Variants in DCAF17 observed in about 807,000 individuals in gnomAD.
DCAF17 encodes DDB1 and CUL4 associated factor 17.
A neutral mutation model predicts 66.0 loss-of-function variants in DCAF17; 48 were observed. That is an observed-to-expected ratio of 0.73 (90% CI 0.58 to 0.92). The LOEUF is 0.92. Ranked by LOEUF, DCAF17 falls within the 40% of genes least tolerant of loss-of-function variation. DCAF17 has a pLI of 0.00. For missense variants in DCAF17, 562 were observed against 622.8 expected (o/e 0.90, Z 1.04); for synonymous variants, 206 against 214.6 (o/e 0.96, Z 0.35).
intron 3 of DCAF17, among the ~76,000 whole-genome samples, chr2:171,444,937 T>G (rs1694529626): frequency 6.6e-6 from 1 of 152,214 alleles, no homozygotes; most frequent in Non-Finnish European, 1.5e-5. Flanking sequence ...ATTAGAAAGC[T>G]TTTAAACCTA....
At position 171,480,725 on chromosome 2, in the gene DCAF17, T is replaced by C. The variant is rs780849058; in HGVS notation, c.1423-249T>C. On this transcript the variant is annotated intron_variant, in intron 13 of 13. Transcript: ENST00000375255. ...CACAGTGAGATAGATAATAGCAGCG[T>C]TGGCAATAGAATCTGGGTATTTAGA... 2.0e-5 allele frequency among the ~76,000 whole-genome samples: 3 copies of C among 152,308 alleles called. 1 individual carries two copies. The highest frequency in any genetic ancestry group is 4.8e-5 in the African/African-American group (2 of 41,580).
chr2:171,448,956 TC>T lies in DCAF17; in HGVS notation c.458+143del, dbSNP rs1163777934. 1.1e-5 allele frequency: 8 copies of T among 748,828 alleles called. No individual in the cohort carries two copies. The Admixed American group carries it at 1.9e-4, about 18-fold the overall frequency. 46.4% of individuals were successfully genotyped at this position (748,828 alleles called of 1,614,324 possible). On this transcript the variant is annotated intron_variant, in intron 4 of 13. Transcript: ENST00000375255. Reference sequence around the variant, plus strand: ...AATTAATAAACCTATTTTCTTTTTCTCCCCTCATGACTACATTTAGAGGTCT... The same window carrying T: ...AATTAATAAACCTATTTTCTTTTTCTCCCTCATGACTACATTTAGAGGTCT...
chr2:171,475,828 C>T (rs913592534), intron 10 of DCAF17, among the ~76,000 whole-genome samples: 3 of 152,120 alleles, frequency 2.0e-5, no homozygotes, highest in Admixed American at 6.6e-5. Context: ...AGTAATCAGT[C>T]TACCTCTCTG....
At chr2:171,442,919 CAACT>C (rs1694388058) in intron 2 of DCAF17, among the ~76,000 whole-genome samples, 1 of 151,834 alleles carries the variant, frequency 6.6e-6, no homozygotes. Flanking sequence ...GATCACATCT[CAACT>C]AATCAGAGAA....
intron 5 of DCAF17, among the ~76,000 whole-genome samples, chr2:171,451,884 A>G (rs1054050996): frequency 6.6e-6 from 1 of 152,172 alleles, no homozygotes; most frequent in African/African-American, 2.4e-5. Flanking sequence ...TCTATACGTT[A>G]TCATATGTTA....
intron 6 of DCAF17, among the ~76,000 whole-genome samples, chr2:171,455,249 C>G (rs1346066441): frequency 1.3e-5 from 2 of 151,884 alleles, no homozygotes; most frequent in Non-Finnish European, 2.9e-5. Context: ...CAAGTGAGAA[C>G]ATGGAGTATT....
intron 10 of DCAF17, among the ~76,000 whole-genome samples, chr2:171,476,182 T>C (rs1407364560): frequency 3.9e-5 from 6 of 152,118 alleles, no homozygotes; most frequent in Admixed American, 6.5e-5. Flanking sequence ...TTTGAGCTTG[T>C]AAAACATTGT....
chr2:171,434,806 G>C, intron 1 of DCAF17, 103 bp downstream of exon 1: 2 of 1,402,862 alleles, frequency 1.4e-6, no homozygotes, highest in South Asian at 1.6e-5. Flanking sequence ...CCCTTTATAG[G>C]GTCACATGTG....
At chr2:171,443,344 C>G (rs949029675) in intron 2 of DCAF17, 179 bp from the exon 3 acceptor site, 4 of 524,086 alleles carry the variant, frequency 7.6e-6, no homozygotes, top group African/African-American at 2.3e-5. Context: ...CTATTTTAAT[C>G]TTGTTTTTTT....
chr2:171,457,201 T>C (rs1001122982), intron 6 of DCAF17, among the ~76,000 whole-genome samples: 1 of 152,246 alleles, frequency 6.6e-6, no homozygotes, highest in Admixed American at 6.5e-5. Flanking sequence ...CATAATTTAA[T>C]TGTTCTCTCT....
At chr2:171,448,537 A>T in intron 3 of DCAF17, 144 bp from the exon 4 acceptor site, 1 of 653,514 alleles carries the variant, frequency 1.5e-6, no homozygotes, top group Non-Finnish European at 2.4e-6. Context: ...TCCTTGTCTT[A>T]ATTCTCTAGT....
chr2:171,443,452 GTC>G, intron 2 of DCAF17, 69 bp from the exon 3 acceptor site: 2 of 1,300,936 alleles, frequency 1.5e-6, no homozygotes, highest in Non-Finnish European at 2.2e-6. Flanking sequence ...AATAAAAATA[GTC>G]TCTCAAACCT....
In DCAF17 at chr2:171,442,626, T is replaced by TCC. The variant is rs986632457; in HGVS notation, c.231-895_231-894dup. On this transcript the variant is annotated intron_variant, in intron 2 of 13. Coordinates refer to ENST00000375255, the MANE Select transcript of DCAF17 (RefSeq NM_025000.4). ...CAGGCGAAGTGGCTCACACCTGTCA[T>TCC]CCCAACACTTCGGGAGGCTGAGGCA... 5.7e-4 allele frequency among the ~76,000 whole-genome samples: 85 copies of TCC among 148,932 alleles called. 2 individuals are homozygous for TCC. Among genetic ancestry groups the TCC allele is most frequent in the African/African-American group, 2.0e-3 (80 of 40,744 alleles).
intron 11 of DCAF17, among the ~76,000 whole-genome samples, 183 bp downstream of exon 11, chr2:171,477,133 GT>G (rs1696534613): frequency 6.6e-6 from 1 of 152,174 alleles, no homozygotes; most frequent in Non-Finnish European, 1.5e-5. Context: ...TTTAAAGAAA[GT>G]TGACTATCTT....
chr2:171,445,346 A>G (rs1204556659), intron 3 of DCAF17, among the ~76,000 whole-genome samples: 1 of 152,118 alleles, frequency 6.6e-6, no homozygotes, highest in African/African-American at 2.4e-5. Context: ...GCTGGTCTCG[A>G]ACTCTTGACC....
chr2:171,484,452 C>G lies in DCAF17; in HGVS notation c.*3338C>G, dbSNP rs780589850. 1.6e-5 allele frequency: 7 copies of G among 428,224 alleles called. 1 individual carries two copies. The highest frequency in any genetic ancestry group is 1.2e-4 in the South Asian group (7 of 58,376). The allele number at this position is 428,224 out of a possible 1,614,324, so 26.5% of individuals were successfully genotyped here. ...CACGGGGATTCTACATCTTACTCTA[C>G]TTGTTTTATTATTTTCCTATCCAGC... On this transcript the variant is annotated 3_prime_UTR_variant, in exon 14 of 14. Coordinates refer to ENST00000375255, the MANE Select transcript of DCAF17 (RefSeq NM_025000.4).
rs752396778 is a variant in DCAF17 at position 171,483,987 on chromosome 2, TTAA to T, written c.*2878_*2880del. ...TAATACTAGATATGTAGGAAAGTGC[TTAA>T]TAATCGTTTTTTACTGATGATTCAG... is the stretch of plus-strand genomic sequence containing the variant. On this transcript the variant is annotated 3_prime_UTR_variant, in exon 14 of 14. Coordinates refer to ENST00000375255, the MANE Select transcript of DCAF17 (RefSeq NM_025000.4). 4.4e-6 allele frequency: 2 copies of T among 453,800 alleles called. No individual in the cohort carries two copies. The highest frequency in any genetic ancestry group is 3.1e-5 in the South Asian group (2 of 64,400). The allele number at this position is 453,800 out of a possible 1,614,324, so 28.1% of individuals were successfully genotyped here.
At chr2:171,439,875 T>C (rs1309195881) in intron 2 of DCAF17, among the ~76,000 whole-genome samples, 2 of 152,126 alleles carry the variant, frequency 1.3e-5, no homozygotes, top group East Asian at 3.9e-4. Flanking sequence ...TTGCAGTGAG[T>C]TGTGATTGCA....
rs756479437 is a variant in DCAF17, at chr2:171,435,122, A to G, written c.166A>G (p.Arg56Gly). The G allele has an allele frequency of 6.2e-7, 1 of 1,613,462 alleles. No homozygotes were observed. Among genetic ancestry groups the G allele is most frequent in the Admixed American group, 1.7e-5 (1 of 60,026 alleles). Residue 56 changes from arginine to glycine, a missense_variant, in exon 2 of 14, where the codon AGG becomes GGG. Coordinates refer to ENST00000375255, the MANE Select transcript of DCAF17 (RefSeq NM_025000.4). ...TAAGAATGTCTGGACAACTCATTCC[A>G]GGTCACCTATAGCCTATGAGAGAGG... ...KFKNVWTTHS[R>G]SPIAYERGRI...
Sources: gnomAD v4.1 joint callset for allele counts (sites outside exome capture counted in the v4.1 genomes callset) on GRCh38, gnomAD v4.1.1 for gene constraint, MANE v1.5 for transcripts, NCBI Gene and HGNC (gene_info 2026-07-23, HGNC 2026-07-21) for gene names.